Variants in PBX4 observed in about 807,000 individuals in gnomAD.
PBX4 encodes the protein PBX homeobox 4, also known as pre-B-cell leukemia transcription factor 4.
Under a neutral mutation model 35.1 loss-of-function variants are expected in PBX4, and 26 were observed. The ratio of observed to expected loss-of-function variants is 0.74; its 90% CI spans 0.54 to 1.03. The LOEUF (loss-of-function observed/expected upper bound fraction) is 1.03, where lower values mean the gene tolerates loss of function less well. Ranked by LOEUF, PBX4 falls within the 50% of genes least tolerant of loss-of-function variation. The pLI, the probability that PBX4 is intolerant of heterozygous loss-of-function variation, is 0.00. For synonymous variants in PBX4, 199 were observed against 204.2 expected (o/e 0.97, Z 0.22); for missense variants, 448 against 504.3 (o/e 0.89, Z 1.07).
chr19:19,564,891 C>T (rs1476230122), intron 6 of PBX4, 42 bp downstream of exon 6: 1 of 1,612,490 alleles, frequency 6.2e-7, no homozygotes, highest in South Asian at 1.1e-5. Flanking sequence ...AGTGGCCGTC[C>T]ACATGGGTAC....
At chr19:19,606,471 CTG>C (rs2061632006) in intron 1 of PBX4, 1 of 152,272 alleles carries the variant, frequency 6.6e-6, no homozygotes, top group South Asian at 2.1e-4. Context: ...GACTGCAGCC[CTG>C]TGAGACCCTA....
In PBX4 at chr19:19,570,765, G is replaced by T; in HGVS notation, c.262C>A (p.Leu88Met). ...DAQLLRLDNM[L>M]LAEGVCRPEK... is the part of the protein sequence containing the mutation. Reference sequence around the variant, plus strand: ...GGCCTGCACACGCCCTCAGCCAGCAGCATGTTATCCAGCCTCAGGAGCTGG... The same window carrying T: ...GGCCTGCACACGCCCTCAGCCAGCATCATGTTATCCAGCCTCAGGAGCTGG... Residue 88 changes from leucine (L) to methionine (M), a missense_variant, in exon 3 of 8, where the codon CTG becomes ATG. Coordinates refer to ENST00000251203, the MANE Select transcript of PBX4 (RefSeq NM_025245.3). The T allele has an allele frequency of 1.9e-6, 3 of 1,614,124 alleles. No individual in the cohort carries two copies. Among genetic ancestry groups the T allele is most frequent in the Non-Finnish European group, 2.5e-6 (3 of 1,180,032 alleles).
chr19:19,603,554 G>A (rs2061610418), intron 1 of PBX4, among the ~76,000 whole-genome samples: 1 of 152,182 alleles, frequency 6.6e-6, no homozygotes, highest in Non-Finnish European at 1.5e-5. Context: ...TTATAGGCAT[G>A]AGCCACGGTG....
chr19:19,582,371 T>G (rs1462595117), intron 2 of PBX4, among the ~76,000 whole-genome samples: 1 of 152,110 alleles, frequency 6.6e-6, no homozygotes, highest in Non-Finnish European at 1.5e-5. Flanking sequence ...CCTGAGACCT[T>G]AAGCAGACAC....
At chr19:19,582,088 C>T (rs1447203806) in intron 2 of PBX4, among the ~76,000 whole-genome samples, 1 of 152,144 alleles carries the variant, frequency 6.6e-6, no homozygotes, top group Non-Finnish European at 1.5e-5. Flanking sequence ...AGGCCCCCTA[C>T]CTTTGGGATC....
intron 1 of PBX4, among the ~76,000 whole-genome samples, 179 bp downstream of exon 1, chr19:19,618,332 C>A (rs1177540626): frequency 6.6e-5 from 10 of 152,216 alleles, no homozygotes. Flanking sequence ...CACTGCTCGG[C>A]CCCATAAGGC....
chr19:19,562,175 G>T lies in PBX4; in HGVS notation c.1033-58C>A. 2 of 1,349,478 alleles carry T rather than the reference G, an allele frequency of 1.5e-6. No homozygotes were observed. The highest frequency in any genetic ancestry group is 1.0e-6 in the Non-Finnish European group (1 of 970,690). The allele number at this position is 1,349,478 out of a possible 1,614,324, so 83.6% of individuals were successfully genotyped here. ...TGGCCGTGAGACTGGTGACTACCCA[G>T]CCCACGTGCTGCAGGCGGAGCCTCC... On this transcript the variant is annotated intron_variant, in intron 7 of 7. Coordinates refer to ENST00000251203, the MANE Select transcript of PBX4 (RefSeq NM_025245.3). This position sits in a 1 kb window ranked among gnomAD's most constrained non-coding sequence, Gnocchi z 4.8.
chr19:19,584,273 A>G (rs999162343), intron 2 of PBX4, among the ~76,000 whole-genome samples: 2 of 152,176 alleles, frequency 1.3e-5, no homozygotes, highest in African/African-American at 4.8e-5. Context: ...ATCAAAGAAT[A>G]GAAAGAACCT....
intron 2 of PBX4, among the ~76,000 whole-genome samples, chr19:19,591,322 C>T (rs768394343): frequency 1.9e-4 from 29 of 152,120 alleles, no homozygotes; most frequent in Middle Eastern, 3.2e-3. Context: ...TTACAGAACC[C>T]GATTCTGTAA....
At chr19:19,564,763 G>C in intron 6 of PBX4, 170 bp downstream of exon 6, 1 of 799,546 alleles carries the variant, frequency 1.3e-6, no homozygotes, top group Non-Finnish European at 2.0e-6. Flanking sequence ...TCTGTTGGTT[G>C]GGATCATGGC....
At chr19:19,617,165 C>T (rs1203237309) in intron 1 of PBX4, among the ~76,000 whole-genome samples, 1 of 152,102 alleles carries the variant, frequency 6.6e-6, no homozygotes, top group Non-Finnish European at 1.5e-5. Flanking sequence ...GCTTTTATTG[C>T]CATTTATTTT....
intron 5 of PBX4, among the ~76,000 whole-genome samples, chr19:19,566,830 C>T (rs916887507): frequency 7.9e-5 from 12 of 152,128 alleles, no homozygotes; most frequent in East Asian, 1.9e-4. Context: ...CCTGCCTCAG[C>T]CTCCCCAGTA....
At chr19:19,572,227 G>A (rs1296198052) in intron 2 of PBX4, among the ~76,000 whole-genome samples, 4 of 151,032 alleles carry the variant, frequency 2.6e-5, no homozygotes, top group African/African-American at 7.3e-5. Context: ...CATGCGTGCC[G>A]CCATGCCTGG....
At chr19:19,572,149 A>G (rs2061388479) in intron 2 of PBX4, among the ~76,000 whole-genome samples, 1 of 120,312 alleles carries the variant, frequency 8.3e-6, no homozygotes, top group Non-Finnish European at 1.6e-5. Flanking sequence ...GTCTCCACTC[A>G]CTGCAACCTC....
At chr19:19,566,962 G>C (rs1434094592) in intron 5 of PBX4, among the ~76,000 whole-genome samples, 1 of 152,096 alleles carries the variant, frequency 6.6e-6, no homozygotes, top group Non-Finnish European at 1.5e-5. Flanking sequence ...CGTCCGCCTT[G>C]GCCTCCAAAG....
At chr19:19,612,621 G>T (rs1001373461) in intron 1 of PBX4, among the ~76,000 whole-genome samples, 1 of 152,136 alleles carries the variant, frequency 6.6e-6, no homozygotes, top group Non-Finnish European at 1.5e-5. Context: ...CCCATTTGAG[G>T]ATGGATGATT....
At chr19:19,589,353 G>A in intron 2 of PBX4, among the ~76,000 whole-genome samples, 1 of 151,840 alleles carries the variant, frequency 6.6e-6, no homozygotes, top group Non-Finnish European at 1.5e-5. Flanking sequence ...GCATGAACCC[G>A]AACCCAGGAG....
intron 5 of PBX4, among the ~76,000 whole-genome samples, chr19:19,566,717 T>C (rs2061344247): frequency 6.7e-6 from 1 of 149,916 alleles, no homozygotes; most frequent in African/African-American, 2.5e-5. Flanking sequence ...TTTTTTTTTT[T>C]TTCGGAGACG....
rs2061333446 is a variant in PBX4, at chr19:19,565,067, T to C, written c.791A>G (p.Lys264Arg). ...ISQVSNWFGN[K>R]RIRYKKNMGK... ...CATGTTCTTTTTATACCGGATTCTT[T>C]TGTTGCCAAACCAGTTAGAGACCTG... Residue 264 changes from lysine to arginine, a missense_variant, in exon 6 of 8, where the codon AAA becomes AGA. Physicochemically the swap from Lys to Arg is conservative, Grantham distance 26 (BLOSUM62 2). Transcript: ENST00000251203. 2 of 1,614,204 alleles carry C rather than the reference T, an allele frequency of 1.2e-6. No individual in the cohort carries two copies. The highest frequency in any genetic ancestry group is 2.2e-5 in the East Asian group (1 of 44,878).
Sources: allele counts gnomAD v4.1 joint callset (sites outside exome capture counted in the v4.1 genomes callset), GRCh38; gene constraint gnomAD v4.1.1; non-coding constraint Gnocchi (gnomAD v3.1); transcripts MANE v1.5; gene names NCBI Gene and HGNC (gene_info 2026-07-23, HGNC 2026-07-21).